Variants in PPA1 observed in about 807,000 individuals in gnomAD.
PPA1 encodes the protein inorganic pyrophosphatase.
A neutral mutation model predicts 41.8 loss-of-function variants in PPA1; 23 were observed. The ratio of observed to expected loss-of-function variants is 0.55; its 90% CI spans 0.40 to 0.78. PPA1 has a LOEUF of 0.78. Ranked by LOEUF, PPA1 falls within the 30% of genes least tolerant of loss-of-function variation. PPA1 has a pLI of 0.00. For synonymous variants in PPA1, 101 were observed against 116.8 expected, an observed-to-expected ratio of 0.86 and a Z score of 0.87; for missense variants, 320 against 361.6, an observed-to-expected ratio of 0.89 and a Z score of 0.93.
At chr10:70,216,072 G>T (rs1007915702) in intron 4 of PPA1, among the ~76,000 whole-genome samples, 2 of 152,162 alleles carry the variant, frequency 1.3e-5, no homozygotes, top group Non-Finnish European at 2.9e-5. Flanking sequence ...TGAGAAGGGG[G>T]ATAAAGGAAG....
intron 6 of PPA1, 151 bp downstream of exon 6, chr10:70,213,312 T>A (rs542220225): frequency 9.4e-6 from 8 of 851,906 alleles, no homozygotes; most frequent in Admixed American, 3.3e-5. Flanking sequence ...TAATTACAAG[T>A]GCAGTCATAG....
At chr10:70,229,779 C>T (rs1408769925) in intron 2 of PPA1, among the ~76,000 whole-genome samples, 1 of 152,020 alleles carries the variant, frequency 6.6e-6, no homozygotes, top group Non-Finnish European at 1.5e-5. Flanking sequence ...CAAAAAGGAC[C>T]AATGTAATTT....
Position 70,233,282 on chromosome 10 carries a change from C to G in PPA1, c.46G>C (p.Glu16Gln). ...CACTCACTGAGGAAGACTCGGTACTCCAGGGAGAAGGGCGCGGCGCGCTCC... is the reference window on the plus strand; with the variant it reads ...CACTCACTGAGGAAGACTCGGTACTGCAGGGAGAAGGGCGCGGCGCGCTCC... ...TEERAAPFSL[E>Q]YRVFLKNEKG... The change falls in exon 1 of 11, where the codon GAG (glutamate) becomes CAG (glutamine). Residue 16 changes from glutamate to glutamine, a missense_variant. Transcript: ENST00000373232. The G allele has an allele frequency of 1.3e-6, 2 of 1,543,266 alleles. No individual in the cohort carries two copies. The highest frequency in any genetic ancestry group is 2.4e-5 in the South Asian group (2 of 82,954).
chr10:70,213,030 T>G (rs1348790055), intron 6 of PPA1, among the ~76,000 whole-genome samples: 1 of 152,172 alleles, frequency 6.6e-6, no homozygotes, highest in East Asian at 1.9e-4. Context: ...AGGGAGTGAT[T>G]GCCCATGGAT....
intron 1 of PPA1, among the ~76,000 whole-genome samples, chr10:70,232,004 C>T (rs917210909): frequency 6.6e-6 from 1 of 152,336 alleles, no homozygotes; most frequent in African/African-American, 2.4e-5. Context: ...TCCAGAAAAA[C>T]AGTCCCATGA....
chr10:70,214,372 A>G (rs1015011634), intron 5 of PPA1, 128 bp downstream of exon 5: 28 of 736,452 alleles, frequency 3.8e-5, no homozygotes, highest in Middle Eastern at 4.0e-4. Context: ...AGAAGCCTTT[A>G]ATACCAAAGA....
rs1008123452 is a variant in PPA1 at position 70,230,457 on chromosome 10, C to G, written c.65-58G>C. On this transcript the variant is annotated intron_variant, in intron 1 of 10. Coordinates refer to ENST00000373232, the MANE Select transcript of PPA1 (RefSeq NM_021129.4). ...AATTAATTGTATTGCTAAATGCCCA[C>G]AGTACACATTTTTTTTTTCTGAGAT... is the stretch of plus-strand genomic sequence containing the variant. The G allele has an allele frequency of 2.6e-5, 39 of 1,496,624 alleles. 1 individual carries two copies. Among genetic ancestry groups the G allele is most frequent in the Admixed American group, 1.4e-4 (7 of 50,304 alleles). The allele number at this position is 1,496,624 out of a possible 1,614,324, so 92.7% of individuals were successfully genotyped here. A position where few individuals can be genotyped will look rare whatever the true frequency, so the allele number is the denominator to read the frequency against.
chr10:70,220,812 T>C (rs191267587), intron 2 of PPA1, among the ~76,000 whole-genome samples: 834 of 3,302 alleles, frequency 0.25, 349 homozygotes, highest in Middle Eastern at 1. Flanking sequence ...ATATATAATT[T>C]TTATATATAT....
At position 70,213,566 on chromosome 10, in the gene PPA1, AATT is replaced by A; in HGVS notation, c.405_407del (p.Ile136del). 1 of 1,613,948 alleles carries A rather than the reference AATT, an allele frequency of 6.2e-7. No individual in the cohort carries two copies. Among genetic ancestry groups the A allele is most frequent in the East Asian group, 2.2e-5 (1 of 44,854 alleles). On this transcript the variant is annotated inframe_deletion, in exon 6 of 11. Coordinates refer to ENST00000373232, the MANE Select transcript of PPA1 (RefSeq NM_021129.4). ...CCAATATGCCTAGAACTTTCACGCC[AATT>A]ATTTCACCTCTTGCACATACCTGAG...
intron 2 of PPA1, among the ~76,000 whole-genome samples, chr10:70,221,042 TA>T (rs1840155513): frequency 1.7e-5 from 1 of 59,210 alleles, no homozygotes; most frequent in South Asian, 4.5e-4. Flanking sequence ...ATATATAAAT[TA>T]TATATATATA....
chr10:70,210,285 C>A, intron 6 of PPA1: 1 of 887,508 alleles, frequency 1.1e-6, no homozygotes, highest in Non-Finnish European at 1.7e-6. Flanking sequence ...TCATGTTGCC[C>A]AGGCTGGTCT....
intron 8 of PPA1, among the ~76,000 whole-genome samples, chr10:70,208,636 C>T (rs77150806): frequency 0.045 from 6,889 of 152,012 alleles, 336 homozygotes; most frequent in African/African-American, 0.12. Flanking sequence ...CAGACAAATG[C>T]CAACTCTTAG....
intron 6 of PPA1, among the ~76,000 whole-genome samples, chr10:70,211,606 AC>A (rs1165917426): frequency 1.3e-5 from 2 of 152,214 alleles, no homozygotes; most frequent in African/African-American, 4.8e-5. Context: ...GACAATAGAC[AC>A]TGCCTTAGGT....
chr10:70,203,519 T>C, intron 10 of PPA1: 1 of 229,168 alleles, frequency 4.4e-6, no homozygotes, highest in Non-Finnish European at 8.5e-6. Flanking sequence ...TTCTCGTGCC[T>C]CAGTCTCCCC....
Position 70,217,823 on chromosome 10 carries a change from C to T in PPA1, c.286G>A (p.Ala96Thr). ...GCATGAAGACATACCTGAGGGATGGCACCATAGTTCCAGATATATCCTTTA... is the reference window on the plus strand; with the variant it reads ...GCATGAAGACATACCTGAGGGATGGTACCATAGTTCCAGATATATCCTTTA... ...PYKGYIWNYG[A>T]IPQTWEDPGH... Residue 96 changes from alanine (A) to threonine (T), a missense_variant, in exon 4 of 11, where the codon GCC becomes ACC. Transcript: ENST00000373232. The T allele has an allele frequency of 6.4e-7, 1 of 1,573,870 alleles. No individual in the cohort carries two copies. Among genetic ancestry groups the T allele is most frequent in the East Asian group, 2.3e-5 (1 of 44,266 alleles).
chr10:70,215,484 T>C lies in PPA1; in HGVS notation c.298-898A>G, dbSNP rs193289220. Among the ~76,000 whole-genome samples, 80 of 152,242 alleles carry C rather than the reference T, an allele frequency of 5.3e-4. No homozygotes were observed. In the Middle Eastern group the frequency reaches 0.01, roughly 19 times the overall value. On this transcript the variant is annotated intron_variant, in intron 4 of 10. Coordinates refer to ENST00000373232, the MANE Select transcript of PPA1 (RefSeq NM_021129.4). ...TTTTCTTCTTCCTTTTTTTTCTTTT[T>C]TTCTTTTTTTGCGACAGAGTCTTGC...
At chr10:70,206,883 AGG>A (rs1839949336) in intron 8 of PPA1, among the ~76,000 whole-genome samples, 46 of 5,486 alleles carry the variant, frequency 8.4e-3, no homozygotes, top group African/African-American at 0.016. Context: ...AGGGGAGGGG[AGG>A]GGAGGGGAGG....
At chr10:70,215,250 GT>G (rs1188793757) in intron 4 of PPA1, among the ~76,000 whole-genome samples, 1 of 152,046 alleles carries the variant, frequency 6.6e-6, no homozygotes, top group East Asian at 1.9e-4. Context: ...AAAATGTGTG[GT>G]TTTTTTCTTT....
At chr10:70,203,272 G>T in intron 10 of PPA1, 86 bp from the exon 11 acceptor site, 1 of 1,170,390 alleles carries the variant, frequency 8.5e-7, no homozygotes. Flanking sequence ...TAATATACTT[G>T]CTTTAATGAA....
Sources: gnomAD v4.1 joint callset for allele counts (sites outside exome capture counted in the v4.1 genomes callset) on GRCh38, gnomAD v4.1.1 for gene constraint, MANE v1.5 for transcripts, NCBI Gene and HGNC (gene_info 2026-07-23, HGNC 2026-07-21) for gene names.